Variants in SLC66A3 observed in about 807,000 individuals in gnomAD.
SLC66A3 encodes the protein solute carrier family 66 member 3.
In SLC66A3, 23 loss-of-function variants were observed where a neutral mutation model predicts 25.5. The ratio of observed to expected loss-of-function variants is 0.90; its 90% confidence interval spans 0.65 to 1.28. The LOEUF (loss-of-function observed/expected upper bound fraction) is 1.28, where lower values mean the gene tolerates loss of function less well. SLC66A3 is among the 50% of genes most tolerant of loss of function. The probability of loss-of-function intolerance (pLI) is 0.00; values close to 1 mark genes in which losing one functional copy is unlikely to be tolerated. For synonymous variants in SLC66A3, 108 were observed against 112.6 expected, an observed-to-expected ratio of 0.96 and a Z score of 0.26; for missense variants, 246 against 262.1, an observed-to-expected ratio of 0.94 and a Z score of 0.42.
chr2:11,177,793 C>T lies in SLC66A3; in HGVS notation c.574C>T (p.Leu192Phe). Residue 192 changes from leucine to phenylalanine, a missense_variant, in exon 7 of 7, where the codon CTT becomes TTT. This residue lies in a region of SLC66A3 where 93 missense variants were observed against 102.6 expected (regional missense o/e 0.91). Transcript: ENST00000295083. ...AAATATATGGGTAACAGTGACAGTA[C>T]TTCGCTACCGGAAGACCGCTATAAA... ...ALNIWVTVTV[L>F]RYRKTAIKAE 1.2e-6 allele frequency: 2 copies of T among 1,611,362 alleles called. No individual in the cohort carries two copies. The highest frequency in any genetic ancestry group is 1.7e-6 in the Non-Finnish European group (2 of 1,178,162).
intron 3 of SLC66A3, among the ~76,000 whole-genome samples, chr2:11,162,308 G>A (rs1662156184): frequency 6.6e-6 from 1 of 152,230 alleles, no homozygotes; most frequent in Admixed American, 6.5e-5. Flanking sequence ...TCGCACAGCT[G>A]TACTGCACCT....
At chr2:11,165,548 AG>A (rs1424517064) in intron 4 of SLC66A3, among the ~76,000 whole-genome samples, 1 of 151,662 alleles carries the variant, frequency 6.6e-6, no homozygotes, top group Non-Finnish European at 1.5e-5. Context: ...AGCCGGGCAG[AG>A]GGGCTCCTCA....
chr2:11,155,616 C>G lies in SLC66A3; in HGVS notation c.70C>G (p.Gln24Glu), dbSNP rs1661862252. 6.5e-7 allele frequency: 1 copy of G among 1,528,288 alleles called. No homozygotes were observed. The highest frequency in any genetic ancestry group is 8.7e-7 in the Non-Finnish European group (1 of 1,148,618). The allele number at this position is 1,528,288 out of a possible 1,614,324, so 94.7% of individuals were successfully genotyped here. A position where few individuals can be genotyped will look rare whatever the true frequency, so the allele number is the denominator to read the frequency against. Residue 24 changes from glutamine to glutamate, a missense_variant, in exon 1 of 7, where the codon CAG becomes GAG. Physicochemically the swap from Gln to Glu is conservative, Grantham distance 29. Transcript: ENST00000295083. ...LGVCAALKLP[Q>E]ISAVLAARSA... ...CGTGTGCGCCGCGCTGAAGCTGCCG[C>G]AGATCTCCGCTGTGCTAGCGGCGCG...
rs185736606 is a variant in SLC66A3 at position 11,165,673 on chromosome 2, G to A, written c.354+1412G>A. Among the ~76,000 whole-genome samples the A allele has an allele frequency of 9.9e-3, 1,511 of 152,320 alleles. 14 individuals carry two copies. The highest frequency in any genetic ancestry group is 0.024 in the Middle Eastern group (7 of 294). On this transcript the variant is annotated intron_variant, in intron 4 of 6. Transcript: ENST00000295083. Reference sequence around the variant, plus strand: ...GGGAGGCCAAGGCAGGCGGCTGGGAGGTGCAGGTTGTAGCGAGCCGAGATC... The same window carrying A: ...GGGAGGCCAAGGCAGGCGGCTGGGAAGTGCAGGTTGTAGCGAGCCGAGATC...
chr2:11,157,309 G>A (rs73915343), intron 1 of SLC66A3, among the ~76,000 whole-genome samples: 1,681 of 152,362 alleles, frequency 0.011, 20 homozygotes, highest in African/African-American at 0.037. Flanking sequence ...CTGCTGGCCT[G>A]TCTAAGGGTC....
At chr2:11,175,999 A>C (rs1179535690) in intron 6 of SLC66A3, among the ~76,000 whole-genome samples, 1 of 152,240 alleles carries the variant, frequency 6.6e-6, no homozygotes, top group East Asian at 1.9e-4. Context: ...TTCTGGTCAA[A>C]GCATAAACTT....
At chr2:11,160,862 C>A in intron 3 of SLC66A3, 168 bp downstream of exon 3, 1 of 1,108,826 alleles carries the variant, frequency 9.0e-7, no homozygotes, top group Non-Finnish European at 1.3e-6. Flanking sequence ...GAGATGCCCT[C>A]AGTACAGCCC....
In SLC66A3 at chr2:11,172,044, A is replaced by C. The variant is rs142367205; in HGVS notation, c.474A>C (p.Ala158=). The C allele has an allele frequency of 1.3e-4, 215 of 1,613,902 alleles. No individual in the cohort carries two copies. The highest frequency in any genetic ancestry group is 1.7e-4 in the Non-Finnish European group (195 of 1,179,850). The change falls in exon 5 of 7, where the codon GCA becomes GCC. Residue 158 remains alanine (A), a splice_region_variant and synonymous_variant. Coordinates refer to ENST00000295083, the MANE Select transcript of SLC66A3 (RefSeq NM_152391.5). ...GGAGCCTCTCTTCCTATACCTGTGC[A>C]AGTAAGAACCGGACTCACATGGTGG... ...LTWSLSSYTC[A]TRIITTLMTT... is the part of the protein sequence containing the mutation.
chr2:11,172,136 C>T, intron 5 of SLC66A3, 91 bp downstream of exon 5: 1 of 1,281,662 alleles, frequency 7.8e-7, no homozygotes, highest in Non-Finnish European at 1.1e-6. Context: ...GTAACATGGT[C>T]CCTGGCGCTT....
At chr2:11,164,529 A>C (rs569128629) in intron 4 of SLC66A3, among the ~76,000 whole-genome samples, 70 of 145,316 alleles carry the variant, frequency 4.8e-4, no homozygotes, top group Non-Finnish European at 8.7e-4. Flanking sequence ...TAATTGATTC[A>C]TTTTTGTTTT....
At chr2:11,172,833 A>C in intron 5 of SLC66A3, 2 of 359,306 alleles carry the variant, frequency 5.6e-6, no homozygotes, top group Non-Finnish European at 1.1e-5. Flanking sequence ...GAGTACGAGC[A>C]CACACCACCA....
chr2:11,164,135 G>A, intron 3 of SLC66A3, 69 bp from the exon 4 acceptor site: 1 of 946,888 alleles, frequency 1.1e-6, no homozygotes, highest in South Asian at 1.5e-5. Flanking sequence ...GTCTTGGTTT[G>A]TATATGTGAG....
chr2:11,175,309 G>A (rs1662699351), intron 6 of SLC66A3, among the ~76,000 whole-genome samples: 1 of 152,200 alleles, frequency 6.6e-6, no homozygotes, highest in Non-Finnish European at 1.5e-5. Flanking sequence ...ATTCTAATGG[G>A]ACATGGTTTG....
At chr2:11,177,674 C>A in intron 6 of SLC66A3, 63 bp from the exon 7 acceptor site, 2 of 980,518 alleles carry the variant, frequency 2.0e-6, no homozygotes, top group Non-Finnish European at 3.2e-6. Flanking sequence ...ATACTTTGAG[C>A]AGGAGGTGGT....
chr2:11,172,339 G>C (rs1025882489), intron 5 of SLC66A3, among the ~76,000 whole-genome samples: 4 of 152,124 alleles, frequency 2.6e-5, no homozygotes, highest in Admixed American at 2.6e-4. Context: ...GGATAAAGAG[G>C]TTGATTATAT....
intron 5 of SLC66A3, among the ~76,000 whole-genome samples, chr2:11,174,167 AG>A (rs1662650395): frequency 6.6e-6 from 1 of 152,128 alleles, no homozygotes; most frequent in South Asian, 2.1e-4. Context: ...CATGTTGGTC[AG>A]GCTGGTCTCG....
chr2:11,172,821 G>A, intron 5 of SLC66A3: 1 of 404,740 alleles, frequency 2.5e-6, no homozygotes, highest in Non-Finnish European at 5.0e-6. Flanking sequence ...CCAAGTAGCT[G>A]GGAGTACGAG....
chr2:11,155,790 C>T, intron 1 of SLC66A3, 101 bp downstream of exon 1: 2 of 1,161,416 alleles, frequency 1.7e-6, no homozygotes, highest in Non-Finnish European at 2.2e-6. Flanking sequence ...GGGATGATCC[C>T]CGCGCGCCGG....
At chr2:11,176,450 A>G (rs1662746528) in intron 6 of SLC66A3, among the ~76,000 whole-genome samples, 1 of 151,484 alleles carries the variant, frequency 6.6e-6, no homozygotes, top group Non-Finnish European at 1.5e-5. Flanking sequence ...TCCTGACCTC[A>G]GGTGATCCGC....
Sources: allele counts gnomAD v4.1 joint callset (sites outside exome capture counted in the v4.1 genomes callset), GRCh38; gene constraint gnomAD v4.1.1; regional missense constraint gnomAD v4.1.1; transcripts MANE v1.5; gene names NCBI Gene and HGNC (gene_info 2026-07-23, HGNC 2026-07-21).